Variants in RBFOX1 observed in about 807,000 individuals in gnomAD.
The protein encoded by RBFOX1 is RNA binding protein fox-1 homolog 1.
A neutral mutation model predicts 57.7 loss-of-function variants in RBFOX1; 8 were observed. The observed-to-expected ratio is 0.14, with a 90% CI of 0.08 to 0.25. The LOEUF is 0.25. RBFOX1 is among the 10% of genes least tolerant of loss of function. The pLI is 1.00. For synonymous variants in RBFOX1, 326 were observed against 222.4 expected, an observed-to-expected ratio of 1.47 and a Z score of -4.15; for missense variants, 611 against 548.5, an observed-to-expected ratio of 1.11 and a Z score of -1.14.
intron 13 of RBFOX1, among the ~76,000 whole-genome samples, chr16:7,670,365 ATAAT>A (rs2070995464): frequency 6.6e-6 from 1 of 152,176 alleles, no homozygotes; most frequent in African/African-American, 2.4e-5. Flanking sequence ...AAAAAAGAAA[ATAAT>A]TTGTCCAAAA....
intron 1 of RBFOX1, among the ~76,000 whole-genome samples, chr16:6,079,583 A>C (rs1597092832): frequency 1.3e-5 from 2 of 151,948 alleles, no homozygotes; most frequent in Non-Finnish European, 1.5e-5. Flanking sequence ...CTCCCAAAAT[A>C]AGCTACCACT....
chr16:6,688,327 C>T (rs2059739083), intron 3 of RBFOX1, among the ~76,000 whole-genome samples: 1 of 152,114 alleles, frequency 6.6e-6, no homozygotes, highest in Non-Finnish European at 1.5e-5. Context: ...GGTGCTAAAC[C>T]ATTAGAAACC....
chr16:5,404,449 A>T (rs1304636138), intron 1 of RBFOX1, among the ~76,000 whole-genome samples: 1 of 152,136 alleles, frequency 6.6e-6, no homozygotes. Context: ...CACTTAGAGA[A>T]AGTTTCTCCC....
At chr16:7,161,786 T>C (rs1209190551) in intron 4 of RBFOX1, among the ~76,000 whole-genome samples, 1 of 152,204 alleles carries the variant, frequency 6.6e-6, no homozygotes, top group East Asian at 1.9e-4. Flanking sequence ...ATAGAGGTGA[T>C]TTCAGCACAA....
chr16:7,355,480 T>G (rs1041463095), intron 4 of RBFOX1, among the ~76,000 whole-genome samples: 10 of 152,112 alleles, frequency 6.6e-5, no homozygotes, highest in African/African-American at 2.2e-4. Flanking sequence ...CCTCCCATAC[T>G]TTTCCTATGT....
chr16:5,767,613 A>G (rs1435931568), intron 3 of RBFOX1, among the ~76,000 whole-genome samples: 1 of 152,182 alleles, frequency 6.6e-6, no homozygotes. Context: ...CACGCCTTCC[A>G]AGGACACAAC....
chr16:7,078,173 G>T (rs1047929044), intron 4 of RBFOX1, among the ~76,000 whole-genome samples: 1 of 152,188 alleles, frequency 6.6e-6, no homozygotes. Flanking sequence ...AAAAGTCATC[G>T]TTTTCCTGCA....
chr16:6,799,698 T>G (rs1346587593), intron 3 of RBFOX1, among the ~76,000 whole-genome samples: 1 of 152,142 alleles, frequency 6.6e-6, no homozygotes, highest in Non-Finnish European at 1.5e-5. Context: ...TGCTGAGTCT[T>G]CCACCTTTCG....
intron 3 of RBFOX1, among the ~76,000 whole-genome samples, chr16:6,996,301 A>G (rs966249076): frequency 1.3e-5 from 2 of 152,106 alleles, no homozygotes; most frequent in African/African-American, 4.8e-5. Context: ...ATAACACTGA[A>G]CTAGTACTGG....
At chr16:6,471,314 A>G (rs1342823345) in intron 2 of RBFOX1, among the ~76,000 whole-genome samples, 2 of 152,204 alleles carry the variant, frequency 1.3e-5, no homozygotes, top group Admixed American at 6.5e-5. Context: ...TTTAGTTAGA[A>G]CAAGAGGCAT....
intron 15 of RBFOX1, 182 bp from the exon 16 acceptor site, chr16:7,710,441 G>A (rs545329639): frequency 1.4e-6 from 2 of 1,422,348 alleles, no homozygotes; most frequent in African/African-American, 2.9e-5. Flanking sequence ...TTTAGGAGGA[G>A]CTATTGGGGA....
intron 1 of RBFOX1, among the ~76,000 whole-genome samples, chr16:6,162,666 T>C (rs1330545983): frequency 6.6e-6 from 1 of 152,130 alleles, no homozygotes; most frequent in Non-Finnish European, 1.5e-5. Flanking sequence ...AAGTTCATAA[T>C]GTTATATGTT....
At chr16:6,762,505 A>G (rs547344041) in intron 3 of RBFOX1, among the ~76,000 whole-genome samples, 8 of 152,326 alleles carry the variant, frequency 5.3e-5, no homozygotes, top group Middle Eastern at 3.4e-3. Context: ...ATGGCTCACC[A>G]GTGTTACCCC....
intron 2 of RBFOX1, among the ~76,000 whole-genome samples, chr16:5,483,604 T>C (rs2069622457): frequency 6.6e-6 from 1 of 152,242 alleles, no homozygotes; most frequent in Non-Finnish European, 1.5e-5. Context: ...GTGAACTTGC[T>C]ACCTCTGGAT....
chr16:7,115,809 T>A (rs4993369), intron 4 of RBFOX1, among the ~76,000 whole-genome samples: 1 of 151,996 alleles, frequency 6.6e-6, no homozygotes, highest in South Asian at 2.1e-4. Context: ...GAGTTACACA[T>A]GAACAGGGAT....
Position 7,002,918 on chromosome 16 carries a change from A to T in RBFOX1, c.-15-49139A>T, listed in dbSNP as rs571094329. Among the ~76,000 whole-genome samples, 5 of 152,246 alleles carry T rather than the reference A, an allele frequency of 3.3e-5. No homozygotes were observed. In the South Asian group the frequency reaches 1.0e-3, roughly 32 times the overall value. ...GAAATCAGAATAACACAAGACAGAA[A>T]CTTAGGAAGTTAGAAAGTGTAAGAA... On this transcript the variant is annotated intron_variant, in intron 3 of 15. Transcript: ENST00000550418.
chr16:6,376,753 T>G (rs2091226076), intron 2 of RBFOX1, among the ~76,000 whole-genome samples: 1 of 152,284 alleles, frequency 6.6e-6, no homozygotes, highest in Admixed American at 6.5e-5. Context: ...ATGTGTTTTC[T>G]TACAGTGCTG....
intron 2 of RBFOX1, among the ~76,000 whole-genome samples, chr16:5,509,465 C>T (rs556360027): frequency 1.3e-5 from 2 of 152,196 alleles, no homozygotes; most frequent in African/African-American, 4.8e-5. Context: ...TCTCCAATGA[C>T]AAGCACTGTG....
chr16:6,848,203 G>C (rs1025787925), intron 3 of RBFOX1, among the ~76,000 whole-genome samples: 1 of 151,992 alleles, frequency 6.6e-6, no homozygotes, highest in African/African-American at 2.4e-5. Flanking sequence ...GATACAGCAA[G>C]TGGCGACACC....
Sources: gnomAD v4.1 joint callset for allele counts (sites outside exome capture counted in the v4.1 genomes callset) on GRCh38, gnomAD v4.1.1 for gene constraint, MANE v1.5 for transcripts, NCBI Gene and HGNC (gene_info 2026-07-23, HGNC 2026-07-21) for gene names.